RAB39A: variants seen among roughly 807,000 people sequenced by gnomAD.
The protein encoded by RAB39A is ras-related protein Rab-39A.
In RAB39A, 17 loss-of-function variants were observed where a neutral mutation model predicts 20.9. The ratio of observed to expected loss-of-function variants is 0.81; its 90% CI spans 0.56 to 1.22. RAB39A has a LOEUF of 1.22. Among genes scored for constraint, RAB39A ranks in the 50% most tolerant of loss-of-function variants. The pLI, the probability that RAB39A is intolerant of heterozygous loss-of-function variation, is 0.00. For synonymous variants in RAB39A, 99 were observed against 103.4 expected (o/e 0.96, Z 0.26); for missense variants, 234 against 270.5 (o/e 0.87, Z 0.95).
intron 1 of RAB39A, among the ~76,000 whole-genome samples, chr11:107,955,028 G>C (rs1273821355): frequency 2.7e-4 from 27 of 101,444 alleles, no homozygotes; most frequent in Non-Finnish European, 4.2e-4. Flanking sequence ...ACAGAGTCTC[G>C]TTCTGTCGCC....
At chr11:107,933,311 A>ATGTG (rs1237901353) in intron 1 of RAB39A, among the ~76,000 whole-genome samples, 10 of 52,010 alleles carry the variant, frequency 1.9e-4, no homozygotes, top group African/African-American at 6.7e-4. Flanking sequence ...TTATATATAT[A>ATGTG]TATGTGTGTG....
rs184046258 is a variant in RAB39A at position 107,949,549 on chromosome 11, T to C, written c.228-12397T>C. On this transcript the variant is annotated intron_variant, in intron 1 of 1. Coordinates refer to ENST00000320578, the MANE Select transcript of RAB39A (RefSeq NM_017516.3). ...CCCAAGAAAACATGTCCTTTCATTATGTTAGATCACATAATCCACTGTGTT... is the reference window on the plus strand; with the variant it reads ...CCCAAGAAAACATGTCCTTTCATTACGTTAGATCACATAATCCACTGTGTT... 2.6e-5 allele frequency among the ~76,000 whole-genome samples: 4 copies of C among 152,298 alleles called. No homozygotes were observed. In the East Asian group the frequency reaches 7.7e-4, roughly 29 times the overall value.
At chr11:107,959,379 A>G (rs1046510893) in intron 1 of RAB39A, among the ~76,000 whole-genome samples, 2 of 152,074 alleles carry the variant, frequency 1.3e-5, no homozygotes, top group African/African-American at 4.8e-5. Flanking sequence ...AAATTCACAC[A>G]TATAAAGATG....
intron 1 of RAB39A, among the ~76,000 whole-genome samples, chr11:107,943,865 C>T (rs192593250): frequency 0.01 from 1,557 of 152,112 alleles, 34 homozygotes; most frequent in African/African-American, 0.035. Context: ...GAGGCTGAGG[C>T]GGGTGGATTA....
At chr11:107,945,889 T>C (rs1861302581) in intron 1 of RAB39A, among the ~76,000 whole-genome samples, 1 of 152,134 alleles carries the variant, frequency 6.6e-6, no homozygotes, top group Non-Finnish European at 1.5e-5. Flanking sequence ...TAAGTGAATG[T>C]TGTTATGTTG....
intron 1 of RAB39A, among the ~76,000 whole-genome samples, chr11:107,956,165 C>G (rs866123613): frequency 6.6e-6 from 1 of 152,168 alleles, no homozygotes; most frequent in Non-Finnish European, 1.5e-5. Flanking sequence ...TGTTGGGCAC[C>G]TTTCTTTTTT....
chr11:107,931,148 G>A (rs905949982), intron 1 of RAB39A, among the ~76,000 whole-genome samples: 15 of 151,808 alleles, frequency 9.9e-5, no homozygotes, highest in African/African-American at 3.6e-4. Context: ...GGCTAATTTT[G>A]TATTTTTAGT....
intron 1 of RAB39A, among the ~76,000 whole-genome samples, chr11:107,959,702 T>C (rs1441384975): frequency 6.6e-6 from 1 of 152,210 alleles, no homozygotes; most frequent in Non-Finnish European, 1.5e-5. Context: ...AAGCTATTTA[T>C]GGCATCAGGG....
In RAB39A at chr11:107,928,866, C is replaced by A; in HGVS notation, c.227+71C>A. 7.8e-7 allele frequency: 1 copy of A among 1,282,538 alleles called. No individual in the cohort carries two copies. Among genetic ancestry groups the A allele is most frequent in the Non-Finnish European group, 1.1e-6 (1 of 947,418 alleles). The allele number at this position is 1,282,538 out of a possible 1,614,324, so 79.4% of individuals were successfully genotyped here. ...GCCCGGACGCCCCTTCCCCAGGCGT[C>A]CGCCCCGCCGGCCCTGGTCGGGAGA... On this transcript the variant is annotated intron_variant, in intron 1 of 1. Coordinates refer to ENST00000320578, the MANE Select transcript of RAB39A (RefSeq NM_017516.3). The surrounding 1 kb of genome is among the most constrained non-coding windows in gnomAD (Gnocchi z 4.9).
chr11:107,953,332 C>T (rs114543889), intron 1 of RAB39A, among the ~76,000 whole-genome samples: 2,103 of 152,170 alleles, frequency 0.014, 55 homozygotes, highest in African/African-American at 0.048. Flanking sequence ...TGCAACAAAA[C>T]CAGCTTGAGA....
intron 1 of RAB39A, among the ~76,000 whole-genome samples, chr11:107,932,481 C>G (rs1292421701): frequency 6.6e-6 from 1 of 152,168 alleles, no homozygotes; most frequent in Non-Finnish European, 1.5e-5. Flanking sequence ...GGGTTATAAG[C>G]ACACTGTGTG....
intron 1 of RAB39A, among the ~76,000 whole-genome samples, chr11:107,946,080 T>C (rs562476187): frequency 6.6e-6 from 1 of 151,978 alleles, no homozygotes; most frequent in Admixed American, 6.6e-5. Flanking sequence ...AGCATGATCA[T>C]CTTACAGTGA....
chr11:107,962,419 C>G lies in RAB39A; in HGVS notation c.*47C>G. 6.7e-7 allele frequency: 1 copy of G among 1,496,526 alleles called. No individual in the cohort carries two copies. Among genetic ancestry groups the G allele is most frequent in the Non-Finnish European group, 9.0e-7 (1 of 1,105,936 alleles). The allele number at this position is 1,496,526 out of a possible 1,614,324, so 92.7% of individuals were successfully genotyped here. A position where few individuals can be genotyped will look rare whatever the true frequency, so the allele number is the denominator to read the frequency against. On this transcript the variant is annotated 3_prime_UTR_variant, in exon 2 of 2. Coordinates refer to ENST00000320578, the MANE Select transcript of RAB39A (RefSeq NM_017516.3). ...AACAGGAACAGATTGGGTGTCAGTT[C>G]AGGATAAATACCAACATTAACAGCA...
chr11:107,931,976 C>T (rs1197179461), intron 1 of RAB39A, among the ~76,000 whole-genome samples: 3 of 150,992 alleles, frequency 2.0e-5, no homozygotes, highest in African/African-American at 7.3e-5. Context: ...TCTCCTGCCT[C>T]AGCCTCCCAA....
At chr11:107,931,229 A>T (rs185335212) in intron 1 of RAB39A, among the ~76,000 whole-genome samples, 256 of 152,246 alleles carry the variant, frequency 1.7e-3, no homozygotes, top group African/African-American at 6.0e-3. Flanking sequence ...CACCTGCCTC[A>T]GCCTCCCAAA....
intron 1 of RAB39A, among the ~76,000 whole-genome samples, chr11:107,941,504 G>C (rs1861258428): frequency 6.6e-6 from 1 of 152,102 alleles, no homozygotes; most frequent in African/African-American, 2.4e-5. Context: ...TTTAGGTAAA[G>C]ATCTAATAGC....
At position 107,945,498 on chromosome 11, in the gene RAB39A, C is replaced by G. The variant is rs577946687; in HGVS notation, c.228-16448C>G. Among the ~76,000 whole-genome samples the G allele has an allele frequency of 1.6e-4, 24 of 151,974 alleles. No homozygotes were observed. The South Asian group carries it at 4.6e-3, about 29-fold the overall frequency. The stretch of plus-strand genomic sequence containing the variant: ...GCCAAGAGCAACAAAATTTTGGAAG[C>G]AGGAAAGCAAATGGGGAATGGTAAA... On this transcript the variant is annotated intron_variant, in intron 1 of 1. Transcript: ENST00000320578.
At chr11:107,938,333 C>T (rs1475010059) in intron 1 of RAB39A, among the ~76,000 whole-genome samples, 1 of 128,140 alleles carries the variant, frequency 7.8e-6, no homozygotes, top group Non-Finnish European at 1.6e-5. Context: ...GCACTCCAGT[C>T]TGGGCAATAG....
chr11:107,939,944 G>C (rs1046732801), intron 1 of RAB39A, among the ~76,000 whole-genome samples: 3 of 152,162 alleles, frequency 2.0e-5, no homozygotes, highest in Non-Finnish European at 4.4e-5. Context: ...GCTTTACTCA[G>C]TCCGAGAGAT....
Sources: allele counts gnomAD v4.1 joint callset (sites outside exome capture counted in the v4.1 genomes callset), GRCh38; gene constraint gnomAD v4.1.1; non-coding constraint Gnocchi (gnomAD v3.1); transcripts MANE v1.5; gene names NCBI Gene and HGNC (gene_info 2026-07-23, HGNC 2026-07-21).